IL18R1: variants seen among roughly 807,000 people sequenced by gnomAD.
The protein encoded by IL18R1 is interleukin 18 receptor 1.
A neutral mutation model predicts 48.5 loss-of-function variants in IL18R1; 40 were observed. That is an observed-to-expected ratio of 0.82 (90% CI 0.64 to 1.07). The LOEUF is 1.07. Ranked by LOEUF, IL18R1 falls within the 50% of genes least tolerant of loss-of-function variation. The probability of loss-of-function intolerance (pLI) is 0.00; values close to 1 mark genes in which losing one functional copy is unlikely to be tolerated. For missense variants in IL18R1, 596 were observed against 633.7 expected, an observed-to-expected ratio of 0.94 and a Z score of 0.64; for synonymous variants, 232 against 225.9, an observed-to-expected ratio of 1.03 and a Z score of -0.24.
In IL18R1 at chr2:102,375,981, G is replaced by T. The variant is rs201270046; in HGVS notation, c.543G>T (p.Gly181=). The part of the protein sequence containing the change: ...IKKNAEFEDQ[G]YYSCVHFLHH... ...AGAACGCCGAGTTTGAAGATCAGGG[G>T]TATTACTCCTGCGTGCATTTCCTTC... Residue 181 remains glycine (G), a synonymous_variant, in exon 5 of 11, where the codon GGG becomes GGT. Coordinates refer to ENST00000233957, the MANE Select transcript of IL18R1 (RefSeq NM_003855.5). 100 of 1,608,932 alleles carry T rather than the reference G, an allele frequency of 6.2e-5. No homozygotes were observed. Among genetic ancestry groups the T allele is most frequent in the Non-Finnish European group, 8.1e-5 (96 of 1,178,056 alleles).
chr2:102,378,480 T>C (rs1679725526), intron 5 of IL18R1, among the ~76,000 whole-genome samples: 1 of 152,190 alleles, frequency 6.6e-6, no homozygotes, highest in South Asian at 2.1e-4. Flanking sequence ...AAGCTATTCT[T>C]CTCCCATAAT....
chr2:102,394,693 C>G (rs1559636065), intron 10 of IL18R1, 66 bp downstream of exon 10: 1 of 1,379,442 alleles, frequency 7.2e-7, no homozygotes, highest in Non-Finnish European at 9.9e-7. Context: ...AATGAGCTAG[C>G]CCCCAGAGAG....
intron 4 of IL18R1, among the ~76,000 whole-genome samples, chr2:102,374,670 C>T (rs11465614): frequency 0.037 from 5,681 of 151,652 alleles, 485 homozygotes; most frequent in Admixed American, 0.2. Flanking sequence ...CCCAACTGCT[C>T]GGGAGGCTGA....
intron 3 of IL18R1, 59 bp downstream of exon 3, chr2:102,368,127 A>T: frequency 1.9e-6 from 3 of 1,583,958 alleles, no homozygotes; most frequent in Non-Finnish European, 2.6e-6. Context: ...TTGTTCAGCA[A>T]CTCAAATATG....
chr2:102,366,313 T>G (rs1199793512), intron 2 of IL18R1, among the ~76,000 whole-genome samples: 3 of 152,240 alleles, frequency 2.0e-5, no homozygotes, highest in Admixed American at 6.5e-5. Context: ...TTGCTAAACA[T>G]AACAAGATTC....
At chr2:102,377,501 A>G (rs898238707) in intron 5 of IL18R1, among the ~76,000 whole-genome samples, 1 of 152,098 alleles carries the variant, frequency 6.6e-6, no homozygotes, top group African/African-American at 2.4e-5. Context: ...TTTTTTTAGT[A>G]GAGACGGGGT....
At chr2:102,381,490 A>C in intron 5 of IL18R1, 130 bp from the exon 6 acceptor site, 1 of 675,158 alleles carries the variant, frequency 1.5e-6, no homozygotes, top group Non-Finnish European at 2.6e-6. Context: ...TGCAAATAGG[A>C]CTCAAGTGAA....
At position 102,371,997 on chromosome 2, in the gene IL18R1, AAC is replaced by A. The variant is rs750865901; in HGVS notation, c.351_352del (p.His117GlnfsTer5). On this transcript the variant is annotated frameshift_variant, in exon 4 of 11. Transcript: ENST00000233957. LOFTEE classifies it high-confidence loss of function. ...AAATTAAATGTCATCAGAAGAAATA[AAC>A]ACAGCTGTTTCACTGAAAGACAAGT... 26 of 1,581,390 alleles carry A rather than the reference AAC, an allele frequency of 1.6e-5. No individual in the cohort carries two copies. Among genetic ancestry groups the A allele is most frequent in the Non-Finnish European group, 2.2e-5 (26 of 1,157,248 alleles).
intron 1 of IL18R1, among the ~76,000 whole-genome samples, chr2:102,362,082 A>G (rs1326099234): frequency 6.6e-6 from 1 of 152,216 alleles, no homozygotes; most frequent in African/African-American, 2.4e-5. Context: ...GCTGGATTTT[A>G]GTGATACAGT....
chr2:102,393,750 T>A (rs1680670123), intron 9 of IL18R1, among the ~76,000 whole-genome samples: 1 of 152,200 alleles, frequency 6.6e-6, no homozygotes, highest in African/African-American at 2.4e-5. Flanking sequence ...ACTTTCCTTC[T>A]TTCTCTACAG....
At chr2:102,395,200 G>A (rs1680756860) in intron 10 of IL18R1, among the ~76,000 whole-genome samples, 1 of 151,842 alleles carries the variant, frequency 6.6e-6, no homozygotes, top group Admixed American at 6.6e-5. Context: ...ATTAATATAG[G>A]AATACAAATG....
At chr2:102,361,159 T>A (rs527627895) in intron 1 of IL18R1, among the ~76,000 whole-genome samples, 1 of 152,312 alleles carries the variant, frequency 6.6e-6, no homozygotes, top group East Asian at 1.9e-4. Context: ...TCAGTCTTAA[T>A]CAGAGTGACA....
At chr2:102,367,738 TC>T (rs1678990143) in intron 2 of IL18R1, 86 bp from the exon 3 acceptor site, 1 of 1,136,434 alleles carries the variant, frequency 8.8e-7, no homozygotes, top group East Asian at 2.6e-5. Context: ...CCTTGCTTCT[TC>T]ACCTAATGCA....
chr2:102,380,489 C>T (rs957589728), intron 5 of IL18R1, among the ~76,000 whole-genome samples: 9 of 152,180 alleles, frequency 5.9e-5, no homozygotes, highest in African/African-American at 1.9e-4. Flanking sequence ...AGAGTTAGTT[C>T]TTTCCCTGGA....
rs12619169 is a variant in IL18R1, at chr2:102,394,624, G to A, written c.1267G>A (p.Gly423Arg). The A allele has an allele frequency of 8.0e-4, 1,279 of 1,597,560 alleles. 13 individuals are homozygous for A. The East Asian group carries it at 0.026, about 32-fold the overall frequency. The change falls in exon 10 of 11, where the codon GGA becomes AGA. Residue 423 changes from glycine (G) to arginine (R), a missense_variant. This residue lies in a region of IL18R1 where 179 missense variants were observed against 206.1 expected (regional missense o/e 0.87). Transcript: ENST00000233957. ...CIFERDVVPGGAVVDEIHSLI... is the reference protein window; with the variant it reads ...CIFERDVVPGRAVVDEIHSLI... ...ATTTGAAAGGGATGTAGTGCCTGGAGGAGGTAAGAGGGAATGCCAGATAGA... is the reference window on the plus strand; with the variant it reads ...ATTTGAAAGGGATGTAGTGCCTGGAAGAGGTAAGAGGGAATGCCAGATAGA...
In IL18R1 at chr2:102,384,910, C is replaced by G. The variant is rs746856515; in HGVS notation, c.721C>G (p.Leu241Val). ...CGTAAGGCTCAACTGCTCTGCTTTG[C>G]TGAATGAAGAGGATGTAATTTATTG... ...KNVRLNCSALLNEEDVIYWMF... is the reference protein window; with the variant it reads ...KNVRLNCSALVNEEDVIYWMF... Residue 241 changes from leucine (L) to valine (V), a missense_variant, in exon 7 of 11, where the codon CTG becomes GTG. Physicochemically the swap from Leu to Val is conservative, Grantham distance 32 (BLOSUM62 1). Around this residue, in one of 3 missense-constraint regions of IL18R1, gnomAD observed 360 missense variants for 339.4 expected, o/e 1.06. Coordinates refer to ENST00000233957, the MANE Select transcript of IL18R1 (RefSeq NM_003855.5). The G allele has an allele frequency of 6.2e-7, 1 of 1,610,558 alleles. No homozygotes were observed. The highest frequency in any genetic ancestry group is 1.3e-5 in the African/African-American group (1 of 74,892).
intron 6 of IL18R1, among the ~76,000 whole-genome samples, chr2:102,382,898 G>A (rs1680000517): frequency 1.3e-5 from 2 of 152,088 alleles, no homozygotes; most frequent in Non-Finnish European, 2.9e-5. Flanking sequence ...TTGTTGACCT[G>A]AAGAGTTAGA....
At chr2:102,387,130 G>T in intron 8 of IL18R1, 130 bp downstream of exon 8, 1 of 950,282 alleles carries the variant, frequency 1.1e-6, no homozygotes, top group South Asian at 1.6e-5. Context: ...GTCACCTCAT[G>T]TCACAGGCAT....
At chr2:102,359,236 A>G (rs940298551) in intron 1 of IL18R1, among the ~76,000 whole-genome samples, 4 of 152,204 alleles carry the variant, frequency 2.6e-5, no homozygotes, top group Non-Finnish European at 2.9e-5. Flanking sequence ...CTTCATGTCA[A>G]TCAAGAAAAT....
Sources: gnomAD v4.1 joint callset for allele counts (sites outside exome capture counted in the v4.1 genomes callset) on GRCh38, gnomAD v4.1.1 for gene constraint, gnomAD v4.1.1 regional missense constraint, MANE v1.5 for transcripts, NCBI Gene and HGNC (gene_info 2026-07-23, HGNC 2026-07-21) for gene names.